Variants in SNTB1 observed in about 807,000 individuals in gnomAD.
SNTB1 encodes the protein beta-1-syntrophin.
Under a neutral mutation model 48.9 loss-of-function variants are expected in SNTB1, and 36 were observed. That is an observed-to-expected ratio of 0.74 (90% CI 0.56 to 0.97). The LOEUF is 0.97. SNTB1 is among the 50% of genes least tolerant of loss of function. The pLI, the probability that SNTB1 is intolerant of heterozygous loss-of-function variation, is 0.00. For synonymous variants in SNTB1, 299 were observed against 294.6 expected (o/e 1.01, Z -0.15); for missense variants, 786 against 703.4 (o/e 1.12, Z -1.33).
intron 5 of SNTB1, among the ~76,000 whole-genome samples, chr8:120,547,592 CAA>C (rs11289979): frequency 0.063 from 5,586 of 89,162 alleles, 166 homozygotes; most frequent in South Asian, 0.087. Context: ...AACACTGTCT[CAA>C]AAAAAAAAAA....
chr8:120,545,276 G>A (rs574231690), intron 5 of SNTB1, among the ~76,000 whole-genome samples: 6 of 152,200 alleles, frequency 3.9e-5, no homozygotes, highest in Admixed American at 6.5e-5. Context: ...CCTGGGAGGC[G>A]GAGGTTGCAG....
At chr8:120,557,700 C>A (rs1162982279) in intron 4 of SNTB1, among the ~76,000 whole-genome samples, 1 of 152,172 alleles carries the variant, frequency 6.6e-6, no homozygotes, top group African/African-American at 2.4e-5. Flanking sequence ...TCTTACTAGA[C>A]CTTGCTGTCT....
chr8:120,732,663 G>A (rs981861709), intron 1 of SNTB1, among the ~76,000 whole-genome samples: 3 of 152,078 alleles, frequency 2.0e-5, no homozygotes, highest in African/African-American at 7.2e-5. Flanking sequence ...TGGCCAACAT[G>A]GGGAAACCTC....
intron 5 of SNTB1, among the ~76,000 whole-genome samples, chr8:120,543,307 T>G (rs561596609): frequency 4.6e-5 from 7 of 152,284 alleles, no homozygotes; most frequent in Admixed American, 4.6e-4. Flanking sequence ...GCTCAGGTTT[T>G]GATCTACATC....
At chr8:120,797,546 CTTTTTTTTTTTTTTT>C (rs60374035) in intron 1 of SNTB1, among the ~76,000 whole-genome samples, 4 of 69,112 alleles carry the variant, frequency 5.8e-5, no homozygotes, top group Non-Finnish European at 7.7e-5. Flanking sequence ...ACTTGTTTCT[CTTTTTTTTTTTTTTT>C]TTTTTTTTTT....
At chr8:120,602,493 G>C (rs1587021947) in intron 3 of SNTB1, among the ~76,000 whole-genome samples, 1 of 152,156 alleles carries the variant, frequency 6.6e-6, no homozygotes, top group East Asian at 1.9e-4. Flanking sequence ...CGAAAGAAAG[G>C]AATTCTGCCT....
intron 1 of SNTB1, among the ~76,000 whole-genome samples, chr8:120,787,345 A>G (rs1389978903): frequency 6.6e-6 from 1 of 152,190 alleles, no homozygotes; most frequent in African/African-American, 2.4e-5. Context: ...CTAGAAGAGT[A>G]TACTAACTCT....
chr8:120,801,861 C>T (rs1226069054), intron 1 of SNTB1, among the ~76,000 whole-genome samples: 1 of 152,060 alleles, frequency 6.6e-6, no homozygotes, highest in African/African-American at 2.4e-5. Flanking sequence ...ATTGTAAAAT[C>T]AAAATCTCAG....
At chr8:120,547,170 A>C (rs1396442030) in intron 5 of SNTB1, among the ~76,000 whole-genome samples, 1 of 152,254 alleles carries the variant, frequency 6.6e-6, no homozygotes, top group African/African-American at 2.4e-5. Context: ...CATGGGGTAC[A>C]CACACAGTGC....
rs145587750 is a variant in SNTB1 at position 120,681,570 on chromosome 8, C to T, written c.788+12122G>A. Among the ~76,000 whole-genome samples, 873 of 152,106 alleles carry T rather than the reference C, an allele frequency of 5.7e-3. 4 individuals are homozygous for T. The highest frequency in any genetic ancestry group is 0.014 in the Admixed American group (220 of 15,294). ...AGTCTGTATGCTGAGTGTTGGGACTCTCAGAACAGTGGAAAGTGGGTATTC... is the reference window on the plus strand; with the variant it reads ...AGTCTGTATGCTGAGTGTTGGGACTTTCAGAACAGTGGAAAGTGGGTATTC... On this transcript the variant is annotated intron_variant, in intron 2 of 6. Coordinates refer to ENST00000517992, the MANE Select transcript of SNTB1 (RefSeq NM_021021.4).
At chr8:120,642,637 C>T (rs1467354093) in intron 2 of SNTB1, among the ~76,000 whole-genome samples, 1 of 152,162 alleles carries the variant, frequency 6.6e-6, no homozygotes, top group Non-Finnish European at 1.5e-5. Flanking sequence ...TCCAGGCCAG[C>T]CACAGTGACT....
intron 2 of SNTB1, among the ~76,000 whole-genome samples, chr8:120,687,021 G>A (rs1404218009): frequency 2.6e-5 from 4 of 152,080 alleles, no homozygotes; most frequent in Non-Finnish European, 2.9e-5. Flanking sequence ...AGAAAAGACA[G>A]GAAAAAGTAC....
intron 1 of SNTB1, among the ~76,000 whole-genome samples, chr8:120,707,780 A>G (rs1006761739): frequency 5.3e-5 from 8 of 152,224 alleles, no homozygotes; most frequent in Admixed American, 5.2e-4. Flanking sequence ...CCCTTTCACC[A>G]TAATCACAGA....
chr8:120,795,961 C>T (rs1389542386), intron 1 of SNTB1, among the ~76,000 whole-genome samples: 1 of 152,002 alleles, frequency 6.6e-6, no homozygotes, highest in African/African-American at 2.4e-5. Context: ...AATGACCTCA[C>T]TTTAACTTGA....
At chr8:120,782,737 G>A (rs149695721) in intron 1 of SNTB1, among the ~76,000 whole-genome samples, 51 of 152,240 alleles carry the variant, frequency 3.3e-4, no homozygotes, top group African/African-American at 1.1e-3. Context: ...AAGTGGATAC[G>A]TCACGTTTTA....
At chr8:120,599,076 G>C (rs940542527) in intron 3 of SNTB1, among the ~76,000 whole-genome samples, 1 of 152,146 alleles carries the variant, frequency 6.6e-6, no homozygotes, top group Non-Finnish European at 1.5e-5. Flanking sequence ...ATGTTTACAG[G>C]CCATTATTCG....
At chr8:120,787,412 A>G (rs1819942235) in intron 1 of SNTB1, among the ~76,000 whole-genome samples, 1 of 152,146 alleles carries the variant, frequency 6.6e-6, no homozygotes, top group African/African-American at 2.4e-5. Context: ...AAAAAATTCA[A>G]AAGGTTGATT....
intron 4 of SNTB1, among the ~76,000 whole-genome samples, chr8:120,564,554 T>A (rs1206666554): frequency 6.9e-6 from 1 of 144,130 alleles, no homozygotes; most frequent in Non-Finnish European, 1.5e-5. Flanking sequence ...CAATAGATAC[T>A]ATTATTCTGG....
At position 120,711,270 on chromosome 8, in the gene SNTB1, G is replaced by A. The variant is rs2129918347; in HGVS notation, c.572-17362C>T. ...TTAAGTTTCCTCCAGGTTGAAAGTG[G>A]ACTTGAAGTATTTCAATGTAAATAA... On this transcript the variant is annotated intron_variant, in intron 1 of 6. Coordinates refer to ENST00000517992, the MANE Select transcript of SNTB1 (RefSeq NM_021021.4). Among the ~76,000 whole-genome samples, 3 of 152,172 alleles carry A rather than the reference G, an allele frequency of 2.0e-5. No homozygotes were observed. The East Asian group carries it at 5.8e-4, about 29-fold the overall frequency.
Sources: allele counts gnomAD v4.1 joint callset (sites outside exome capture counted in the v4.1 genomes callset), GRCh38; gene constraint gnomAD v4.1.1; transcripts MANE v1.5; gene names NCBI Gene and HGNC (gene_info 2026-07-23, HGNC 2026-07-21).